The following ATAD3B variants were observed in gnomAD, a reference collection of about 807,000 sequenced individuals.
ATAD3B encodes ATPase family AAA domain-containing protein 3B.
ATAD3B carries 59 observed loss-of-function variants against 70.2 expected under a neutral mutation model. That is an observed-to-expected ratio of 0.84 (90% CI 0.68 to 1.04). The LOEUF (loss-of-function observed/expected upper bound fraction) is 1.04. Ranked by LOEUF, ATAD3B falls within the 50% of genes least tolerant of loss-of-function variation. The pLI is 0.00. For synonymous variants in ATAD3B, 423 were observed against 388.6 expected (o/e 1.09, Z -1.04); for missense variants, 961 against 913.4 (o/e 1.05, Z -0.67).
At position 1,490,207 on chromosome 1, in the gene ATAD3B, G is replaced by A. The variant is rs1292037273; in HGVS notation, c.1338-50G>A. ...CTGAGGAGCCCCCGTTGCCCTCGGG[G>A]CATCTCAGCTGGCAGCCCCAGCGTT... On this transcript the variant is annotated intron_variant, in intron 13 of 15. Coordinates refer to ENST00000673477, the MANE Select transcript of ATAD3B (RefSeq NM_031921.6). 59 of 1,593,910 alleles carry A rather than the reference G, an allele frequency of 3.7e-5. 2 individuals carry two copies. Among genetic ancestry groups the A allele is most frequent in the Non-Finnish European group, 4.6e-5 (54 of 1,167,996 alleles).
In ATAD3B at chr1:1,471,848, G is replaced by T. The variant is rs1338854232; in HGVS notation, c.-37G>T. On this transcript the variant is annotated 5_prime_UTR_variant, in exon 1 of 16. Coordinates refer to ENST00000673477, the MANE Select transcript of ATAD3B (RefSeq NM_031921.6). ...CCGCGCCCGAGTCAGACTCGGGTGG[G>T]GGTCCCGGCGGCGGTAGCGGCGGCG... 4 of 1,269,640 alleles carry T rather than the reference G, an allele frequency of 3.2e-6. No individual in the cohort carries two copies. Among genetic ancestry groups the T allele is most frequent in the African/African-American group, 1.5e-5 (1 of 64,846 alleles). 78.6% of individuals were successfully genotyped at this position (1,269,640 alleles called of 1,614,324 possible).
downstream of ATAD3B, among the ~76,000 whole-genome samples, chr1:1,500,393 A>C (rs1363499464): frequency 6.7e-6 from 1 of 148,526 alleles, no homozygotes; most frequent in Admixed American, 6.7e-5. Context: ...TCTACTAAAA[A>C]TACAAAAAAA....
At position 1,479,476 on chromosome 1, in the gene ATAD3B, C is replaced by G. The variant is rs138047651; in HGVS notation, c.444+368C>G. Among the ~76,000 whole-genome samples the G allele has an allele frequency of 2.8e-5, 4 of 142,132 alleles. 1 individual carries two copies. In the East Asian group the frequency reaches 8.8e-4, roughly 31 times the overall value. The allele number at this position is 142,132 out of a possible 152,430, so 93.2% of individuals were successfully genotyped here. A position where few individuals can be genotyped will look rare whatever the true frequency, so the allele number is the denominator to read the frequency against. Reference sequence around the variant, plus strand: ...AACATGGGCCCACACACACACACCCCTGTGCGCACACACCCCTACACAGGG... The same window carrying G: ...AACATGGGCCCACACACACACACCCGTGTGCGCACACACCCCTACACAGGG... On this transcript the variant is annotated intron_variant, in intron 4 of 15. Transcript: ENST00000673477.
In ATAD3B at chr1:1,486,234, A is replaced by G. The variant is rs781308860; in HGVS notation, c.1088A>G (p.Lys363Arg). The G allele has an allele frequency of 6.2e-7, 1 of 1,612,858 alleles. No individual in the cohort carries two copies. Among genetic ancestry groups the G allele is most frequent in the Non-Finnish European group, 8.5e-7 (1 of 1,179,624 alleles). ...PPGTGKTLFA[K>R]KLALHSGMDY... is the part of the protein sequence containing the mutation. ...GGCACCGGGAAGACGCTGTTTGCCA[A>G]GGTGAGAGCGCCTGGCTGAACAGGT... Residue 363 changes from lysine (K) to arginine (R), a missense_variant and splice_region_variant, in exon 10 of 16, where the codon AAG becomes AGG. Lys to Arg is a conservative substitution (Grantham distance 26). Transcript: ENST00000673477.
At chr1:1,490,112 C>G in intron 13 of ATAD3B, 145 bp from the exon 14 acceptor site, 3 of 1,438,120 alleles carry the variant, frequency 2.1e-6, no homozygotes, top group Non-Finnish European at 2.7e-6. Context: ...GCTGTGGCTG[C>G]GTTCTCCCCA....
intron 3 of ATAD3B, 86 bp downstream of exon 3, chr1:1,478,831 G>A (rs925338356): frequency 1.3e-5 from 14 of 1,081,838 alleles, no homozygotes; most frequent in Non-Finnish European, 1.7e-5. Flanking sequence ...TGGTCCCGGG[G>A]CACTCTGGAG....
chr1:1,482,586 T>C lies in ATAD3B; in HGVS notation c.722T>C (p.Val241Ala), dbSNP rs1414148574. Residue 241 changes from valine to alanine, a missense_variant, in exon 7 of 16, where the codon GTG becomes GCG. Val to Ala is a moderately conservative substitution (Grantham distance 64). Coordinates refer to ENST00000673477, the MANE Select transcript of ATAD3B (RefSeq NM_031921.6). ...TTTGGGGAAGGATTCCGTGCCTTTG[T>C]GACAGACCGGGACAAAGTGACAGCC... ...TLFGEGFRAF[V>A]TDRDKVTATV... 6.2e-7 allele frequency: 1 copy of C among 1,613,352 alleles called. No individual in the cohort carries two copies. The highest frequency in any genetic ancestry group is 8.5e-7 in the Non-Finnish European group (1 of 1,179,548).
At chr1:1,503,020 C>T in the ATAD3B span, among the ~76,000 whole-genome samples, 4 of 150,884 alleles carry the variant, frequency 2.7e-5, no homozygotes, top group East Asian at 2.0e-4. Flanking sequence ...GTCAGGAGAT[C>T]GAGACCATCC....
rs200092230 is a variant in ATAD3B at position 1,490,444 on chromosome 1, C to T, written c.1505+20C>T. 691 of 1,612,730 alleles carry T rather than the reference C, an allele frequency of 4.3e-4. 5 individuals carry two copies. In the African/African-American group the frequency reaches 7.0e-3, roughly 16 times the overall value. On this transcript the variant is annotated intron_variant, in intron 14 of 15. Transcript: ENST00000673477. ...AAAACGGTGAGTGTCCCGCCTCACC[C>T]GGCCCCCAATCCAGGCACCATATGG...
At chr1:1,490,458 G>A in intron 14 of ATAD3B, 34 bp downstream of exon 14, 2 of 1,612,248 alleles carry the variant, frequency 1.2e-6, no homozygotes, top group Non-Finnish European at 1.7e-6. Context: ...CCCCAATCCA[G>A]GCACCATATG....
At position 1,490,408 on chromosome 1, in the gene ATAD3B, G is replaced by T; in HGVS notation, c.1489G>T (p.Ala497Ser). 1 of 1,613,400 alleles carries T rather than the reference G, an allele frequency of 6.2e-7. No individual in the cohort carries two copies. Among genetic ancestry groups the T allele is most frequent in the Non-Finnish European group, 8.5e-7 (1 of 1,179,682 alleles). The change falls in exon 14 of 16, where the codon GCC becomes TCC. Residue 497 changes from alanine to serine, a missense_variant. Transcript: ENST00000673477. ...LHFDNCVLKP[A>S]TEGKRRLKLA... ...TTTTGACAACTGTGTTCTTAAGCCG[G>T]CCACAGAAGGAAAACGGTGAGTGTC...
chr1:1,509,143 G>A, the ATAD3B span: 1 of 1,578,262 alleles, frequency 6.3e-7, no homozygotes, highest in Admixed American at 1.8e-5. Context: ...CGGGGCCCTG[G>A]CGTGCATTTG....
intron 1 of ATAD3B, among the ~76,000 whole-genome samples, chr1:1,476,223 G>A (rs567862484): frequency 1.4e-5 from 2 of 148,066 alleles, no homozygotes; most frequent in East Asian, 2.1e-4. Context: ...AGCCCAGTTC[G>A]TGCCTAACCA....
At chr1:1,498,821 C>T (rs1272298907), downstream of ATAD3B, among the ~76,000 whole-genome samples, 2 of 151,608 alleles carry the variant, frequency 1.3e-5, no homozygotes, top group African/African-American at 2.4e-5. Flanking sequence ...AAAGAAGTAG[C>T]ACTCGAATGT....
chr1:1,483,841 C>G (rs819974), intron 7 of ATAD3B: 1 of 152,222 alleles, frequency 6.6e-6, no homozygotes, highest in African/African-American at 2.4e-5. Flanking sequence ...TCCTTCATGT[C>G]CTCAGGTGAC....
At chr1:1,490,214 A>G (rs1640459316) in intron 13 of ATAD3B, 43 bp from the exon 14 acceptor site, 1 of 1,597,278 alleles carries the variant, frequency 6.3e-7, no homozygotes, top group Non-Finnish European at 8.6e-7. Context: ...GGGGCATCTC[A>G]GCTGGCAGCC....
At chr1:1,488,884 C>G (rs188136797) in intron 12 of ATAD3B, among the ~76,000 whole-genome samples, 6 of 151,960 alleles carry the variant, frequency 3.9e-5, no homozygotes, top group African/African-American at 1.4e-4. Flanking sequence ...ATGCCTCAGC[C>G]TCCCAAGTGG....
chr1:1,492,621 C>T (rs1361654669), intron 15 of ATAD3B, among the ~76,000 whole-genome samples: 1 of 151,456 alleles, frequency 6.6e-6, no homozygotes, highest in Non-Finnish European at 1.5e-5. Flanking sequence ...GTGCCGAGAC[C>T]CCACCTCTAC....
chr1:1,489,542 A>G (rs146871464), intron 13 of ATAD3B: 11,926 of 996,264 alleles, frequency 0.012, 253 homozygotes, highest in South Asian at 0.035. Context: ...CTCTGCCCCT[A>G]GATTTCTGCG....
Sources: gnomAD v4.1 joint callset for allele counts (sites outside exome capture counted in the v4.1 genomes callset) on GRCh38, gnomAD v4.1.1 for gene constraint, MANE v1.5 for transcripts, NCBI Gene and HGNC (gene_info 2026-07-23, HGNC 2026-07-21) for gene names.